PTPA: variants seen among roughly 807,000 people sequenced by gnomAD.
PTPA encodes protein phosphatase 2 phosphatase activator.
In PTPA, 13 loss-of-function variants were observed where a neutral mutation model predicts 43.6. The observed-to-expected ratio is 0.30, with a 90% CI of 0.19 to 0.47. The LOEUF (loss-of-function observed/expected upper bound fraction) is 0.47. Ranked by LOEUF, PTPA falls within the 20% of genes least tolerant of loss-of-function variation. PTPA has a pLI of 0.99. For synonymous variants in PTPA, 172 were observed against 158.2 expected (o/e 1.09, Z -0.66); for missense variants, 329 against 411.9 (o/e 0.80, Z 1.74).
chr9:129,128,923 C>T, intron 3 of PTPA, 62 bp from the exon 4 acceptor site: 1 of 1,600,094 alleles, frequency 6.2e-7, no homozygotes, highest in Non-Finnish European at 8.5e-7. Flanking sequence ...GTGGACTTCC[C>T]TCTGTGGCTA....
At chr9:129,111,274 G>T (rs768499994), upstream of PTPA, 2 of 1,202,358 alleles carry the variant, frequency 1.7e-6, no homozygotes, top group Non-Finnish European at 2.1e-6. Flanking sequence ...CCCGACGTTC[G>T]GGCGGCCGTG....
chr9:129,129,218 C>T, intron 4 of PTPA, 108 bp downstream of exon 4: 1 of 1,421,610 alleles, frequency 7.0e-7, no homozygotes, highest in Non-Finnish European at 9.5e-7. Context: ...ATATACAAAT[C>T]TCAGTTTGTT....
chr9:129,129,058 C>A lies in PTPA; in HGVS notation c.290C>A (p.Pro97His). The change falls in exon 4 of 10, where the codon CCC becomes CAC. Residue 97 changes from proline (P) to histidine (H), a missense_variant. Pro to His is a moderately conservative substitution (Grantham distance 77). Coordinates refer to ENST00000393370, the MANE Select transcript of PTPA (RefSeq NM_178000.3). ...WIDETPPVDQ[P>H]SRFGNKAYRT... Reference sequence around the variant, plus strand: ...GATGAGACTCCTCCAGTGGACCAGCCCTCTCGGTTTGGGAATAAGGCATAC... The same window carrying A: ...GATGAGACTCCTCCAGTGGACCAGCACTCTCGGTTTGGGAATAAGGCATAC... 6.2e-7 allele frequency: 1 copy of A among 1,612,678 alleles called. No homozygotes were observed. The highest frequency in any genetic ancestry group is 8.5e-7 in the Non-Finnish European group (1 of 1,180,006).
intron 1 of PTPA, among the ~76,000 whole-genome samples, chr9:129,116,341 C>T (rs551555535): frequency 2.1e-4 from 24 of 113,282 alleles, no homozygotes; most frequent in Admixed American, 1.9e-3. Context: ...TGCGTCACCT[C>T]GCCCAGCTAA....
intron 6 of PTPA, 83 bp downstream of exon 6, chr9:129,134,977 A>G (rs1850261929): frequency 1.7e-6 from 2 of 1,202,058 alleles, no homozygotes; most frequent in East Asian, 2.3e-5. Context: ...GGGGTGCTCT[A>G]GGGTTCTCCT....
In PTPA at chr9:129,123,108, G is replaced by C. The variant is rs1270516070; in HGVS notation, c.186G>C (p.Lys62Asn). The C allele has an allele frequency of 3.7e-6, 6 of 1,612,372 alleles. No individual in the cohort carries two copies. Among genetic ancestry groups the C allele is most frequent in the Non-Finnish European group, 5.1e-6 (6 of 1,178,794 alleles). The stretch of plus-strand genomic sequence containing the variant: ...CCCTCAACGAAGGTGTGAAGGGGAA[G>C]AAGCTGACCTTCGAGTACAGAGTCT... ...ILTLNEGVKG[K>N]KLTFEYRVSE... The change falls in exon 3 of 10, where the codon AAG (lysine) becomes AAC (asparagine). Residue 62 changes from lysine to asparagine, a missense_variant. Transcript: ENST00000393370.
chr9:129,146,435 C>G (rs1438509347), intron 9 of PTPA, among the ~76,000 whole-genome samples: 2 of 152,232 alleles, frequency 1.3e-5, no homozygotes, highest in Non-Finnish European at 2.9e-5. Flanking sequence ...ACCCGTTTGT[C>G]TCTAAGTTAG....
intron 8 of PTPA, among the ~76,000 whole-genome samples, chr9:129,140,319 C>T (rs143779424): frequency 2.8e-4 from 43 of 152,282 alleles, no homozygotes; most frequent in Non-Finnish European, 5.6e-4. Flanking sequence ...TTCTCCCACT[C>T]GTCTGTTTTC....
At chr9:129,132,354 G>C (rs180851304) in intron 5 of PTPA, among the ~76,000 whole-genome samples, 1 of 152,114 alleles carries the variant, frequency 6.6e-6, no homozygotes, top group East Asian at 1.9e-4. Context: ...TTTTGAGACA[G>C]GGTCTTGCTT....
chr9:129,120,194 G>T (rs1403766991), intron 1 of PTPA, among the ~76,000 whole-genome samples: 1 of 152,056 alleles, frequency 6.6e-6, no homozygotes, highest in Non-Finnish European at 1.5e-5. Context: ...GGAGGCAGAG[G>T]TTGCAGTGAG....
intron 4 of PTPA, among the ~76,000 whole-genome samples, chr9:129,130,339 C>T (rs1849872395): frequency 6.6e-6 from 1 of 151,896 alleles, no homozygotes; most frequent in Non-Finnish European, 1.5e-5. Context: ...GGGGAGGACT[C>T]AGGACCCAGT....
At chr9:129,118,079 G>A (rs1218401790) in intron 1 of PTPA, among the ~76,000 whole-genome samples, 1 of 146,978 alleles carries the variant, frequency 6.8e-6, no homozygotes, top group Non-Finnish European at 1.5e-5. Context: ...CCGAGATGGA[G>A]TCTTGCTCTG....
chr9:129,134,882 A>C lies in PTPA; in HGVS notation c.548A>C (p.Lys183Thr), dbSNP rs138155879. 586 of 1,613,042 alleles carry C rather than the reference A, an allele frequency of 3.6e-4. 4 individuals are homozygous for C. In the African/African-American group the frequency reaches 6.9e-3, roughly 19 times the overall value. Residue 183 changes from lysine (K) to threonine (T), a missense_variant, in exon 6 of 10, where the codon AAG becomes ACG. Physicochemically the swap from Lys to Thr is moderately conservative, Grantham distance 78. Transcript: ENST00000393370. The stretch of plus-strand genomic sequence containing the variant: ...GATGACCAAATAGCTATTGTCTTCA[A>C]GGTGTTCAATCGGTGAGAGAAAGGA... The part of the protein sequence containing the change: ...RVDDQIAIVF[K>T]VFNRYLEVMR...
chr9:129,143,197 T>C (rs1264147994), intron 9 of PTPA: 2 of 632,456 alleles, frequency 3.2e-6, no homozygotes, highest in Non-Finnish European at 5.7e-6. Context: ...GAGGTGGCCT[T>C]TTCTCTCTTC....
At position 129,123,076 on chromosome 9, in the gene PTPA, A is replaced by G. The variant is rs776558713; in HGVS notation, c.154A>G (p.Ile52Val). The change falls in exon 3 of 10, where the codon ATC (isoleucine) becomes GTC (valine). Residue 52 changes from isoleucine to valine, a missense_variant. Physicochemically the swap from Ile to Val is conservative, Grantham distance 29 (BLOSUM62 3). Transcript: ENST00000393370. ...GGCATACGCTGACTACATCGGATTC[A>G]TCCTTACCCTCAACGAAGGTGTGAA... ...SQAYADYIGF[I>V]LTLNEGVKGK... 23 of 1,611,808 alleles carry G rather than the reference A, an allele frequency of 1.4e-5. No homozygotes were observed. Among genetic ancestry groups the G allele is most frequent in the Non-Finnish European group, 1.9e-5 (22 of 1,178,706 alleles).
chr9:129,147,252 A>G, intron 9 of PTPA, 135 bp from the exon 10 acceptor site: 1 of 742,064 alleles, frequency 1.3e-6, no homozygotes. Flanking sequence ...CTGGGGGAGG[A>G]AGGCCTGGGG....
intron 6 of PTPA, 140 bp downstream of exon 6, chr9:129,135,034 T>C (rs1850265962): frequency 1.5e-6 from 1 of 655,306 alleles, no homozygotes. Context: ...GCTCTGGCTG[T>C]GGATGGAGTG....
intron 3 of PTPA, 108 bp from the exon 4 acceptor site, chr9:129,128,877 G>A: frequency 7.1e-7 from 1 of 1,400,476 alleles, no homozygotes. Flanking sequence ...AGAGTTCCCA[G>A]TAGGGGCCAT....
At chr9:129,118,739 T>G (rs1849057363) in intron 1 of PTPA, among the ~76,000 whole-genome samples, 1 of 151,102 alleles carries the variant, frequency 6.6e-6, no homozygotes, top group South Asian at 2.1e-4. Flanking sequence ...GGTGTCAAAC[T>G]CCTGGACTCA....
Sources: allele counts gnomAD v4.1 joint callset (sites outside exome capture counted in the v4.1 genomes callset), GRCh38; gene constraint gnomAD v4.1.1; transcripts MANE v1.5; gene names NCBI Gene and HGNC (gene_info 2026-07-23, HGNC 2026-07-21).